The following ZC3H12C variants were observed in gnomAD, a reference collection of about 807,000 sequenced individuals.
ZC3H12C encodes zinc finger CCCH-type containing 12C, also known as probable ribonuclease ZC3H12C.
ZC3H12C carries 20 observed loss-of-function variants against 76.3 expected under a neutral mutation model. The ratio of observed to expected loss-of-function variants is 0.26; its 90% CI spans 0.18 to 0.38. The LOEUF is 0.38. Among genes scored for constraint, ZC3H12C ranks in the 10% least tolerant of loss-of-function variants. The probability of loss-of-function intolerance (pLI) is 1.00; values close to 1 mark genes in which losing one functional copy is unlikely to be tolerated. For synonymous variants in ZC3H12C, 352 were observed against 399.6 expected (o/e 0.88, Z 1.42); for missense variants, 874 against 1,086.5 (o/e 0.80, Z 2.75).
chr11:110,144,556 A>G (rs1280673437), intron 2 of ZC3H12C, among the ~76,000 whole-genome samples: 1 of 152,186 alleles, frequency 6.6e-6, no homozygotes, highest in African/African-American at 2.4e-5. Flanking sequence ...CATTCTAGGT[A>G]CTTTGTATCA....
chr11:110,125,557 A>G (rs997504945), intron 1 of ZC3H12C, among the ~76,000 whole-genome samples: 8 of 152,148 alleles, frequency 5.3e-5, no homozygotes, highest in African/African-American at 1.9e-4. Context: ...ACCTCAAGTG[A>G]TCTGCCCGCC....
rs3802839 is a variant in ZC3H12C, at chr11:110,159,503, A to G, written c.1148+13A>G. ...TTGTCAATGACAAGTAAGTAAAACC[A>G]TTTACTTGCCAATGATACTGCTTCT... On this transcript the variant is annotated intron_variant, in intron 4 of 5. Coordinates refer to ENST00000278590, the MANE Select transcript of ZC3H12C (RefSeq NM_033390.2). The G allele has an allele frequency of 0.029, 44,885 of 1,562,056 alleles. 1,754 individuals are homozygous for G. Among genetic ancestry groups the G allele is most frequent in the East Asian group, 0.18 (7,672 of 43,754 alleles).
At chr11:110,120,482 C>T (rs768680939) in intron 1 of ZC3H12C, among the ~76,000 whole-genome samples, 10 of 152,188 alleles carry the variant, frequency 6.6e-5, no homozygotes, top group African/African-American at 2.2e-4. Flanking sequence ...ATGGGAAAAA[C>T]GTAGCACTAA....
At chr11:110,159,584 C>A in intron 4 of ZC3H12C, 94 bp downstream of exon 4, 1 of 1,060,852 alleles carries the variant, frequency 9.4e-7, no homozygotes, top group Non-Finnish European at 1.4e-6. Flanking sequence ...TGCCACTGTC[C>A]AGACTTCACA....
intron 2 of ZC3H12C, among the ~76,000 whole-genome samples, chr11:110,147,232 A>ACT (rs2134186494): frequency 6.6e-6 from 1 of 152,208 alleles, no homozygotes; most frequent in Non-Finnish European, 1.5e-5. Flanking sequence ...CTGGGAAATA[A>ACT]CTCTTTAAGA....
At chr11:110,158,467 ACCACTGCACT>A (rs1026997032) in intron 3 of ZC3H12C, among the ~76,000 whole-genome samples, 2 of 152,064 alleles carry the variant, frequency 1.3e-5, no homozygotes, top group African/African-American at 4.8e-5. Flanking sequence ...CCAAGATCAC[ACCACTGCACT>A]CCAGCCTGGG....
In ZC3H12C at chr11:110,159,443, G is replaced by A. The variant is rs758659102; in HGVS notation, c.1101G>A (p.Lys367=). The part of the protein sequence containing the change: ...RDLANEKPEW[K]KFIDERLLMY... Reference sequence around the variant, plus strand: ...TGGCTAATGAGAAGCCAGAATGGAAGAAGTTCATAGATGAACGATTATTAA... The same window carrying A: ...TGGCTAATGAGAAGCCAGAATGGAAAAAGTTCATAGATGAACGATTATTAA... Residue 367 remains lysine, a synonymous_variant, in exon 4 of 6, where the codon AAG becomes AAA. Transcript: ENST00000278590. 6 of 1,613,422 alleles carry A rather than the reference G, an allele frequency of 3.7e-6. No individual in the cohort carries two copies. Among genetic ancestry groups the A allele is most frequent in the Admixed American group, 1.7e-5 (1 of 59,946 alleles).
At chr11:110,103,142 A>G (rs1406755456) in intron 1 of ZC3H12C, among the ~76,000 whole-genome samples, 2 of 152,218 alleles carry the variant, frequency 1.3e-5, no homozygotes, top group South Asian at 2.1e-4. Context: ...GATGGTTACA[A>G]TAATACATGC....
At chr11:110,130,893 C>G in intron 1 of ZC3H12C, 1 of 768,826 alleles carries the variant, frequency 1.3e-6, no homozygotes, top group Non-Finnish European at 2.1e-6. Context: ...CTGAGGTTGT[C>G]TTGCATCTGC....
intron 2 of ZC3H12C, 115 bp downstream of exon 2, chr11:110,137,529 C>G: frequency 1.6e-6 from 2 of 1,244,094 alleles, no homozygotes; most frequent in Non-Finnish European, 2.2e-6. Flanking sequence ...TTTTCTGTAT[C>G]CTGATGTTAA....
Position 110,136,805 on chromosome 11 carries a change from G to C in ZC3H12C, c.164G>C (p.Ser55Thr). 6.2e-7 allele frequency: 1 copy of C among 1,613,930 alleles called. No individual in the cohort carries two copies. Among genetic ancestry groups the C allele is most frequent in the Non-Finnish European group, 8.5e-7 (1 of 1,179,888 alleles). ...LYVESTDPQL[S>T]PAVPWSTVEN... ...GTGGAGAGCACTGACCCACAGTTAAGTCCAGCTGTACCTTGGTCAACAGTA... is the reference window on the plus strand; with the variant it reads ...GTGGAGAGCACTGACCCACAGTTAACTCCAGCTGTACCTTGGTCAACAGTA... The change falls in exon 2 of 6, where the codon AGT (serine) becomes ACT (threonine). Residue 55 changes from serine to threonine, a missense_variant. By Grantham distance (58) the Ser-to-Thr change is moderately conservative. Coordinates refer to ENST00000278590, the MANE Select transcript of ZC3H12C (RefSeq NM_033390.2).
chr11:110,106,842 A>G (rs1861338070), intron 1 of ZC3H12C, among the ~76,000 whole-genome samples: 1 of 152,192 alleles, frequency 6.6e-6, no homozygotes, highest in South Asian at 2.1e-4. Context: ...CGTGATTTTC[A>G]GGTTCTATAA....
chr11:110,163,011 G>A (rs187402501), intron 4 of ZC3H12C, among the ~76,000 whole-genome samples: 54 of 152,296 alleles, frequency 3.5e-4, no homozygotes, highest in African/African-American at 1.2e-3. Flanking sequence ...TGAGAGGAAG[G>A]AAGAATTAAT....
At chr11:110,108,021 C>T (rs1459796747) in intron 1 of ZC3H12C, among the ~76,000 whole-genome samples, 1 of 152,106 alleles carries the variant, frequency 6.6e-6, no homozygotes. Flanking sequence ...AATAATGGCT[C>T]ACTGCAGCCT....
chr11:110,103,100 T>A (rs1207469976), intron 1 of ZC3H12C, among the ~76,000 whole-genome samples: 1 of 152,206 alleles, frequency 6.6e-6, no homozygotes, highest in Non-Finnish European at 1.5e-5. Flanking sequence ...AAAACCACAA[T>A]ATTTCCAAGG....
At chr11:110,136,576 A>G in intron 1 of ZC3H12C, 87 bp from the exon 2 acceptor site, 1 of 1,392,386 alleles carries the variant, frequency 7.2e-7, no homozygotes, top group Non-Finnish European at 9.8e-7. Flanking sequence ...TATTTTGAGT[A>G]GTTGAGTAAT....
At position 110,110,060 on chromosome 11, in the gene ZC3H12C, C is replaced by T. The variant is rs537670630; in HGVS notation, c.21+16628C>T. ...TCAAGCAGCCCACAGTAAATTATTACGTGAATACCTGAGATACAGGGGTTG... is the reference window on the plus strand; with the variant it reads ...TCAAGCAGCCCACAGTAAATTATTATGTGAATACCTGAGATACAGGGGTTG... On this transcript the variant is annotated intron_variant, in intron 1 of 5. Coordinates refer to ENST00000278590, the MANE Select transcript of ZC3H12C (RefSeq NM_033390.2). Among the ~76,000 whole-genome samples, 60 of 152,198 alleles carry T rather than the reference C, an allele frequency of 3.9e-4. No homozygotes were observed. In the South Asian group the frequency reaches 0.011, roughly 27 times the overall value.
chr11:110,168,190 T>C lies in ZC3H12C; in HGVS notation c.*2453T>C, dbSNP rs1862613913. 6.6e-6 allele frequency: 1 copy of C among 152,168 alleles called. No individual in the cohort carries two copies. Among genetic ancestry groups the C allele is most frequent in the Non-Finnish European group, 1.5e-5 (1 of 68,002 alleles). 9.4% of individuals were successfully genotyped at this position (152,168 alleles called of 1,614,324 possible). On this transcript the variant is annotated 3_prime_UTR_variant, in exon 6 of 6. Transcript: ENST00000278590. ...TCATTGCCTCATGGATTTTAAATTATGGGAAAATAGTGTAGCCAGCTGCCA... is the reference window on the plus strand; with the variant it reads ...TCATTGCCTCATGGATTTTAAATTACGGGAAAATAGTGTAGCCAGCTGCCA...
In ZC3H12C at chr11:110,165,267, C is replaced by G. The variant is rs986758296; in HGVS notation, c.2182C>G (p.Pro728Ala). The G allele has an allele frequency of 6.2e-7, 1 of 1,613,892 alleles. No homozygotes were observed. The highest frequency in any genetic ancestry group is 8.5e-7 in the Non-Finnish European group (1 of 1,179,860). Residue 728 changes from proline (P) to alanine (A), a missense_variant, in exon 6 of 6, where the codon CCT becomes GCT. Transcript: ENST00000278590. ...CAGCTGTCCTGGCGACTACCCCTCT[C>G]CTCCAAGTTCAGCACACTCTAAGGC... ...RSSCPGDYPS[P>A]PSSAHSKAPH...
Sources: allele counts gnomAD v4.1 joint callset (sites outside exome capture counted in the v4.1 genomes callset), GRCh38; gene constraint gnomAD v4.1.1; transcripts MANE v1.5; gene names NCBI Gene and HGNC (gene_info 2026-07-23, HGNC 2026-07-21).